The following ATL2 variants were observed in gnomAD, a reference collection of about 807,000 sequenced individuals.
ATL2 encodes the protein atlastin-2.
Under a neutral mutation model 73.9 loss-of-function variants are expected in ATL2, and 31 were observed. The ratio of observed to expected loss-of-function variants is 0.42; its 90% CI spans 0.32 to 0.57. The LOEUF (loss-of-function observed/expected upper bound fraction) is 0.57. Among genes scored for constraint, ATL2 ranks in the 20% least tolerant of loss-of-function variants. The probability of loss-of-function intolerance (pLI) is 0.14; values close to 1 mark genes in which losing one functional copy is unlikely to be tolerated. For synonymous variants in ATL2, 291 were observed against 237.5 expected (o/e 1.23, Z -2.07); for missense variants, 738 against 702.6 (o/e 1.05, Z -0.57).
intron 4 of ATL2, 44 bp from the exon 5 acceptor site, chr2:38,315,378 C>G: frequency 6.7e-7 from 1 of 1,482,906 alleles, no homozygotes; most frequent in East Asian, 2.7e-5. Flanking sequence ...GTGTTTTGTT[C>G]TGAATACCCA....
chr2:38,325,487 A>G (rs188033411), intron 2 of ATL2, among the ~76,000 whole-genome samples: 1 of 152,176 alleles, frequency 6.6e-6, no homozygotes, highest in East Asian at 1.9e-4. Flanking sequence ...ACTTTCCTGA[A>G]TATTATCTCA....
chr2:38,312,495 G>A (rs922201832), intron 7 of ATL2, among the ~76,000 whole-genome samples: 7 of 152,082 alleles, frequency 4.6e-5, no homozygotes, highest in Admixed American at 3.9e-4. Context: ...CCGATCACAA[G>A]GTCAGGAGTT....
intron 2 of ATL2, among the ~76,000 whole-genome samples, chr2:38,342,392 A>G (rs1430649572): frequency 6.6e-6 from 1 of 152,214 alleles, no homozygotes; most frequent in East Asian, 1.9e-4. Context: ...AAGAGGATGT[A>G]ATATAGTCCT....
intron 2 of ATL2, among the ~76,000 whole-genome samples, chr2:38,342,856 A>G (rs1369311529): frequency 3.3e-5 from 5 of 152,176 alleles, no homozygotes; most frequent in Admixed American, 3.3e-4. Context: ...ATGAAGAATC[A>G]AGAGCTCAAA....
At chr2:38,309,819 A>G (rs1207533392) in intron 8 of ATL2, among the ~76,000 whole-genome samples, 1 of 152,204 alleles carries the variant, frequency 6.6e-6, no homozygotes, top group Non-Finnish European at 1.5e-5. Flanking sequence ...GTCCTTTTCA[A>G]GAGGCAAACA....
Position 38,318,628 on chromosome 2 carries a change from C to G in ATL2, c.510G>C (p.Leu170=). 3 of 1,603,382 alleles carry G rather than the reference C, an allele frequency of 1.9e-6. No homozygotes were observed. The highest frequency in any genetic ancestry group is 2.5e-6 in the Non-Finnish European group (3 of 1,176,862). ...DRPNGTKVAV[L]LMDTQGAFDS... is the part of the protein sequence containing the mutation. ...CAAAGGCACCCTGGGTATCCATAAG[C>G]AGCACAGCAACCTAGGAATTTGAGA... The change falls in exon 4 of 13, where the codon CTG becomes CTC. Residue 170 remains leucine (L), a synonymous_variant. Coordinates refer to ENST00000378954, the MANE Select transcript of ATL2 (RefSeq NM_001135673.4).
intron 2 of ATL2, among the ~76,000 whole-genome samples, chr2:38,330,978 A>T (rs967869410): frequency 1.3e-5 from 2 of 152,212 alleles, no homozygotes; most frequent in African/African-American, 4.8e-5. Flanking sequence ...CTACAAAGCA[A>T]CAGTAGTGAA....
intron 1 of ATL2, among the ~76,000 whole-genome samples, chr2:38,352,724 CT>C (rs2124441324): frequency 6.6e-6 from 1 of 152,238 alleles, no homozygotes; most frequent in Admixed American, 6.5e-5. Context: ...ACATCTATAC[CT>C]TAGGCATCAA....
chr2:38,334,903 T>TTATAATA (rs1558423036), intron 2 of ATL2, among the ~76,000 whole-genome samples: 1 of 106,912 alleles, frequency 9.4e-6, no homozygotes, highest in African/African-American at 4.9e-5. Flanking sequence ...TATATATTAT[T>TTATAATA]TATAATATAT....
chr2:38,349,704 AC>A (rs916206419), intron 1 of ATL2, among the ~76,000 whole-genome samples: 6 of 149,846 alleles, frequency 4.0e-5, no homozygotes, highest in African/African-American at 1.5e-4. Context: ...GAAAAAAAAA[AC>A]CCCACTGGGC....
chr2:38,334,813 CAAT>C (rs1558422634), intron 2 of ATL2, among the ~76,000 whole-genome samples: 2 of 96,066 alleles, frequency 2.1e-5, no homozygotes, highest in Non-Finnish European at 4.7e-5. Context: ...TCTATAGTTT[CAAT>C]AATAATATTC....
At chr2:38,308,053 T>C (rs1667547390) in intron 9 of ATL2, among the ~76,000 whole-genome samples, 1 of 150,788 alleles carries the variant, frequency 6.6e-6, no homozygotes, top group Admixed American at 6.6e-5. Flanking sequence ...TGGGGGTTCC[T>C]CAAAAGACTA....
chr2:38,299,231 T>C lies in ATL2; in HGVS notation c.1200+25A>G, dbSNP rs374934715. 11 of 1,493,438 alleles carry C rather than the reference T, an allele frequency of 7.4e-6. No homozygotes were observed. The African/African-American group carries it at 1.6e-4, about 22-fold the overall frequency. 92.5% of individuals were successfully genotyped at this position (1,493,438 alleles called of 1,614,324 possible). A position where few individuals can be genotyped will look rare whatever the true frequency, so the allele number is the denominator to read the frequency against. On this transcript the variant is annotated intron_variant, in intron 11 of 12. Transcript: ENST00000378954. ...ATTTAAAAATCTTCTCACTCCAGCA[T>C]CAAATTTAAATTTTAGGTACAAACC...
chr2:38,320,003 G>A (rs1668231675), intron 2 of ATL2, among the ~76,000 whole-genome samples: 1 of 152,046 alleles, frequency 6.6e-6, no homozygotes, highest in African/African-American at 2.4e-5. Flanking sequence ...AGCTACTCAG[G>A]AGGCTCAGGC....
chr2:38,338,743 G>A (rs188678293), intron 2 of ATL2, among the ~76,000 whole-genome samples: 7 of 152,246 alleles, frequency 4.6e-5, no homozygotes, highest in African/African-American at 1.4e-4. Flanking sequence ...ACCAACAGGT[G>A]AAGAGTACCA....
rs371482809 is a variant in ATL2, at chr2:38,372,123, GT to G, written c.118+5019del. ...CTGTTAGTATGGTTTCATGTTAATTGTTTTTTTTTTTTTTTTTGGCAATCCT... is the reference window on the plus strand; with the variant it reads ...CTGTTAGTATGGTTTCATGTTAATTGTTTTTTTTTTTTTTTTGGCAATCCT... On this transcript the variant is annotated intron_variant, in intron 1 of 12. Coordinates refer to ENST00000378954, the MANE Select transcript of ATL2 (RefSeq NM_001135673.4). Among the ~76,000 whole-genome samples the G allele has an allele frequency of 2.9e-3, 363 of 125,170 alleles. 1 individual carries two copies. Among genetic ancestry groups the G allele is most frequent in the Middle Eastern group, 0.013 (3 of 230 alleles). The allele number at this position is 125,170 out of a possible 152,430, so 82.1% of individuals were successfully genotyped here.
At chr2:38,330,392 G>T (rs566591539) in intron 2 of ATL2, among the ~76,000 whole-genome samples, 1 of 152,238 alleles carries the variant, frequency 6.6e-6, no homozygotes, top group African/African-American at 2.4e-5. Context: ...AATACTACCA[G>T]AGGTTCTAGC....
intron 2 of ATL2, among the ~76,000 whole-genome samples, chr2:38,319,426 C>T (rs566002978): frequency 6.6e-6 from 1 of 151,908 alleles, no homozygotes; most frequent in African/African-American, 2.4e-5. Flanking sequence ...TGGCAAAACG[C>T]CATCTTTACA....
chr2:38,367,389 G>A (rs1476090425), intron 1 of ATL2, among the ~76,000 whole-genome samples: 2 of 151,412 alleles, frequency 1.3e-5, no homozygotes, highest in East Asian at 2.0e-4. Flanking sequence ...AGATCACGAG[G>A]TCAGGAGATC....
Sources: allele counts gnomAD v4.1 joint callset (sites outside exome capture counted in the v4.1 genomes callset), GRCh38; gene constraint gnomAD v4.1.1; transcripts MANE v1.5; gene names NCBI Gene and HGNC (gene_info 2026-07-23, HGNC 2026-07-21).